Variants in SLC24A2 observed in about 807,000 individuals in gnomAD.
SLC24A2 encodes the protein sodium/potassium/calcium exchanger 2.
SLC24A2 carries 36 observed loss-of-function variants against 62.0 expected under a neutral mutation model. The ratio of observed to expected loss-of-function variants is 0.58; its 90% CI spans 0.44 to 0.77. The LOEUF is 0.77. Ranked by LOEUF, SLC24A2 falls within the 30% of genes least tolerant of loss-of-function variation. The pLI is 0.00. For synonymous variants in SLC24A2, 358 were observed against 294.0 expected, an observed-to-expected ratio of 1.22 and a Z score of -2.23; for missense variants, 846 against 817.9, an observed-to-expected ratio of 1.03 and a Z score of -0.42.
chr9:19,916,749 C>T, the SLC24A2 span, among the ~76,000 whole-genome samples: 41 of 151,942 alleles, frequency 2.7e-4, no homozygotes, highest in Admixed American at 1.3e-3. Context: ...GAGCTGGACA[C>T]GTAGGCTATT....
chr9:19,941,556 AGTGTGTGTGT>A, the SLC24A2 span, among the ~76,000 whole-genome samples: 1 of 134,074 alleles, frequency 7.5e-6, no homozygotes, highest in Non-Finnish European at 1.6e-5. Context: ...GAGGACTGGG[AGTGTGTGTGT>A]GTGTGTGTGT....
At chr9:19,898,291 T>C in the SLC24A2 span, among the ~76,000 whole-genome samples, 1 of 152,194 alleles carries the variant, frequency 6.6e-6, no homozygotes, top group Non-Finnish European at 1.5e-5. Context: ...TCATGCTTAA[T>C]AGGACAAAGG....
intron 2 of SLC24A2, among the ~76,000 whole-genome samples, chr9:19,674,703 C>T (rs1331969738): frequency 6.6e-6 from 1 of 152,120 alleles, no homozygotes; most frequent in Non-Finnish European, 1.5e-5. Flanking sequence ...TCCTTCCTTT[C>T]CAGAAGTTAT....
At chr9:19,852,037 A>G in the SLC24A2 span, among the ~76,000 whole-genome samples, 1 of 152,162 alleles carries the variant, frequency 6.6e-6, no homozygotes, top group Admixed American at 6.5e-5. Context: ...CTGGCATAAG[A>G]TAGTATCTCA....
chr9:20,240,645 T>C, the SLC24A2 span, among the ~76,000 whole-genome samples: 1 of 152,108 alleles, frequency 6.6e-6, no homozygotes, highest in Non-Finnish European at 1.5e-5. Context: ...TTTCACAGAT[T>C]GTAGCGGGGT....
the SLC24A2 span, among the ~76,000 whole-genome samples, chr9:20,121,748 C>T: frequency 3.3e-5 from 5 of 152,256 alleles, no homozygotes; most frequent in East Asian, 7.7e-4. Flanking sequence ...CAAAGCCACT[C>T]CTAAGCAGAA....
chr9:20,170,893 G>T, the SLC24A2 span, among the ~76,000 whole-genome samples: 1 of 151,938 alleles, frequency 6.6e-6, no homozygotes, highest in Non-Finnish European at 1.5e-5. Flanking sequence ...GCACAAAAAG[G>T]TTACTGCCTA....
At chr9:19,733,205 T>G (rs960826230) in intron 2 of SLC24A2, among the ~76,000 whole-genome samples, 1 of 152,126 alleles carries the variant, frequency 6.6e-6, no homozygotes, top group Non-Finnish European at 1.5e-5. Flanking sequence ...CAGGGCACTA[T>G]AAATTCAGAG....
the SLC24A2 span, among the ~76,000 whole-genome samples, chr9:19,833,444 C>A: frequency 1.1e-4 from 17 of 152,318 alleles, no homozygotes; most frequent in South Asian, 4.1e-4. Context: ...GCACCTGGCT[C>A]GGAGGGTCCT....
chr9:20,084,940 T>G, the SLC24A2 span, among the ~76,000 whole-genome samples: 1 of 152,298 alleles, frequency 6.6e-6, no homozygotes, highest in East Asian at 1.9e-4. Flanking sequence ...ATTGCTTCTG[T>G]TATTACATCT....
the SLC24A2 span, among the ~76,000 whole-genome samples, chr9:20,111,254 C>G: frequency 6.6e-6 from 1 of 152,114 alleles, no homozygotes; most frequent in Non-Finnish European, 1.5e-5. Flanking sequence ...ATTCCTATCC[C>G]TCACCCATTA....
the SLC24A2 span, among the ~76,000 whole-genome samples, chr9:20,236,478 C>A: frequency 6.6e-6 from 1 of 152,124 alleles, no homozygotes; most frequent in Non-Finnish European, 1.5e-5. Context: ...TGGCTAGAAG[C>A]TGTGAATCAA....
rs1027378287 is a variant in SLC24A2 at position 19,632,825 on chromosome 9, C to T, written c.931-10526G>A. 6.6e-6 allele frequency among the ~76,000 whole-genome samples: 1 copy of T among 152,074 alleles called. No individual in the cohort carries two copies. The highest frequency in any genetic ancestry group is 1.5e-5 in the Non-Finnish European group (1 of 68,022). On this transcript the variant is annotated intron_variant, in intron 2 of 10. Coordinates refer to ENST00000341998, the MANE Select transcript of SLC24A2 (RefSeq NM_020344.4). This position sits in a 1 kb window ranked among gnomAD's most constrained non-coding sequence, Gnocchi z 4.5. ...TCAGATTTCACCAGTTATATGTGCA[C>T]CTATTTGTGTTTGTGCATAGTGTGT...
At position 19,516,374 on chromosome 9, in the gene SLC24A2, C is replaced by T. The variant is rs781570322; in HGVS notation, c.1765G>A (p.Val589Ile). ...GCCACTGGCTGGAATCTGTGAATGA[C>T]GGTGTACAGGAGCCAGGGCAGTGGG... ...GLPLPWLLYT[V>I]IHRFQPVAVS... Residue 589 changes from valine (V) to isoleucine (I), a missense_variant, in exon 11 of 11, where the codon GTC becomes ATC. Transcript: ENST00000341998. 24 of 1,613,836 alleles carry T rather than the reference C, an allele frequency of 1.5e-5. No individual in the cohort carries two copies. Among genetic ancestry groups the T allele is most frequent in the Middle Eastern group, 1.7e-4 (1 of 6,056 alleles).
At chr9:19,664,391 G>C (rs1220002128) in intron 2 of SLC24A2, among the ~76,000 whole-genome samples, 2 of 152,232 alleles carry the variant, frequency 1.3e-5, no homozygotes, top group East Asian at 3.8e-4. Context: ...CATGGTATCT[G>C]TGAGGCAGGC....
At chr9:19,750,586 T>C (rs930410161) in intron 2 of SLC24A2, among the ~76,000 whole-genome samples, 1 of 152,132 alleles carries the variant, frequency 6.6e-6, no homozygotes, top group Admixed American at 6.6e-5. Flanking sequence ...TCTGCCCCCG[T>C]CCAGCCATTT....
chr9:19,537,176 T>G (rs1012106189), intron 8 of SLC24A2, among the ~76,000 whole-genome samples: 1 of 148,638 alleles, frequency 6.7e-6, no homozygotes, highest in Non-Finnish European at 1.5e-5. Context: ...GATGGTAGTT[T>G]CTTTTGCTGT....
intron 2 of SLC24A2, among the ~76,000 whole-genome samples, chr9:19,750,572 G>C (rs559923617): frequency 1.3e-5 from 2 of 152,048 alleles, no homozygotes; most frequent in Non-Finnish European, 2.9e-5. Context: ...GGTCTGAACT[G>C]AGCTCTGCCC....
At chr9:19,623,443 C>G (rs377535750) in intron 2 of SLC24A2, among the ~76,000 whole-genome samples, 1 of 152,110 alleles carries the variant, frequency 6.6e-6, no homozygotes, top group Non-Finnish European at 1.5e-5. Flanking sequence ...ACCACACCTA[C>G]CATGTAAAGA....
Sources: allele counts gnomAD v4.1 joint callset (sites outside exome capture counted in the v4.1 genomes callset), GRCh38; gene constraint gnomAD v4.1.1; non-coding constraint Gnocchi (gnomAD v3.1); transcripts MANE v1.5; gene names NCBI Gene and HGNC (gene_info 2026-07-23, HGNC 2026-07-21).